ZNF277: variants seen among roughly 807,000 people sequenced by gnomAD.
The protein encoded by ZNF277 is zinc finger protein 277.
ZNF277 carries 55 observed loss-of-function variants against 60.7 expected under a neutral mutation model. That is an observed-to-expected ratio of 0.91 (90% CI 0.73 to 1.13). The LOEUF is 1.13. ZNF277 is among the 50% of genes most tolerant of loss of function. The probability of loss-of-function intolerance (pLI) is 0.00; values close to 1 mark genes in which losing one functional copy is unlikely to be tolerated. For synonymous variants in ZNF277, 178 were observed against 179.3 expected, an observed-to-expected ratio of 0.99 and a Z score of 0.06; for missense variants, 510 against 523.0, an observed-to-expected ratio of 0.98 and a Z score of 0.24.
Position 112,341,063 on chromosome 7 carries a change from C to A in ZNF277, c.1184+17C>A. The A allele has an allele frequency of 6.4e-7, 1 of 1,556,528 alleles. No homozygotes were observed. Among genetic ancestry groups the A allele is most frequent in the Non-Finnish European group, 8.7e-7 (1 of 1,153,200 alleles). ...TCAACTGGAGTACGTACTGCAAAACCAAATGTGCACTTCTTACTCCAACTC... is the reference window on the plus strand; with the variant it reads ...TCAACTGGAGTACGTACTGCAAAACAAAATGTGCACTTCTTACTCCAACTC... On this transcript the variant is annotated intron_variant, in intron 11 of 11. Coordinates refer to ENST00000361822, the MANE Select transcript of ZNF277 (RefSeq NM_021994.3).
intron 1 of ZNF277, among the ~76,000 whole-genome samples, chr7:112,244,178 G>A (rs1258395617): frequency 1.3e-5 from 2 of 151,946 alleles, no homozygotes; most frequent in African/African-American, 4.8e-5. Flanking sequence ...CTACCTAATG[G>A]GTACAATGTA....
At chr7:112,208,674 A>ATTTTTTTTTTTTTTTTTTTTTTT (rs869082099) in intron 1 of ZNF277, among the ~76,000 whole-genome samples, 7 of 72,808 alleles carry the variant, frequency 9.6e-5, no homozygotes, top group African/African-American at 2.4e-4. Context: ...GTATGATTTG[A>ATTTTTTTTTTTTTTTTTTTTTTT]TTTTTTTTTT....
chr7:112,241,580 C>T (rs1165918407), intron 1 of ZNF277, among the ~76,000 whole-genome samples: 1 of 152,080 alleles, frequency 6.6e-6, no homozygotes. Context: ...TGACAATAGC[C>T]AAGATTTGGA....
intron 1 of ZNF277, among the ~76,000 whole-genome samples, chr7:112,284,931 T>G (rs555170594): frequency 1.4e-4 from 22 of 152,214 alleles, no homozygotes; most frequent in Non-Finnish European, 2.4e-4. Flanking sequence ...TTAACCTTGG[T>G]AGCACTGAAC....
intron 1 of ZNF277, among the ~76,000 whole-genome samples, chr7:112,220,415 C>A (rs1821995371): frequency 6.6e-6 from 1 of 151,442 alleles, no homozygotes; most frequent in African/African-American, 2.4e-5. Flanking sequence ...TTTATCAGTT[C>A]TAACAGTTTT....
intron 6 of ZNF277, 135 bp downstream of exon 6, chr7:112,327,962 G>C: frequency 1.6e-6 from 1 of 634,180 alleles, no homozygotes; most frequent in Non-Finnish European, 2.6e-6. Context: ...CATTTTGTAC[G>C]ACAGTCCTTA....
intron 1 of ZNF277, among the ~76,000 whole-genome samples, chr7:112,209,952 A>G (rs1168669153): frequency 6.6e-6 from 1 of 152,120 alleles, no homozygotes. Context: ...AACAATGAGA[A>G]CACTTGGACA....
rs55929668 is a variant in ZNF277 at position 112,271,190 on chromosome 7, A to G, written c.92-15683A>G. ...GCAACATGTACCATTTATGTAAACT[A>G]GACAACCTATTCTTTCAGAGATACG... On this transcript the variant is annotated intron_variant, in intron 1 of 11. Transcript: ENST00000361822. 8.1e-4 allele frequency among the ~76,000 whole-genome samples: 123 copies of G among 152,312 alleles called. 1 individual carries two copies. The highest frequency in any genetic ancestry group is 2.8e-3 in the African/African-American group (118 of 41,590).
intron 4 of ZNF277, among the ~76,000 whole-genome samples, chr7:112,302,621 G>A (rs1584393261): frequency 6.6e-6 from 1 of 151,996 alleles, no homozygotes; most frequent in South Asian, 2.1e-4. Context: ...CTTTCTTTGG[G>A]AAACAAATGG....
At chr7:112,218,387 C>T (rs1378958901) in intron 1 of ZNF277, among the ~76,000 whole-genome samples, 3 of 152,092 alleles carry the variant, frequency 2.0e-5, no homozygotes, top group Non-Finnish European at 4.4e-5. Flanking sequence ...GTATTATGTA[C>T]AGCATGATGT....
intron 1 of ZNF277, among the ~76,000 whole-genome samples, chr7:112,229,934 G>A (rs1405156795): frequency 6.6e-6 from 1 of 152,084 alleles, no homozygotes; most frequent in Non-Finnish European, 1.5e-5. Flanking sequence ...CTTGAGGAAG[G>A]GCTTGGGATG....
At chr7:112,239,398 C>G (rs1450333305) in intron 1 of ZNF277, among the ~76,000 whole-genome samples, 1 of 152,108 alleles carries the variant, frequency 6.6e-6, no homozygotes, top group Non-Finnish European at 1.5e-5. Flanking sequence ...GGTAGCCAGG[C>G]AATAGTTGCC....
Position 112,206,712 on chromosome 7 carries a change from G to A in ZNF277, c.-5G>A, listed in dbSNP as rs748444592. 14 of 1,613,042 alleles carry A rather than the reference G, an allele frequency of 8.7e-6. No homozygotes were observed. Among genetic ancestry groups the A allele is most frequent in the Admixed American group, 1.7e-5 (1 of 59,952 alleles). ...GCGGCCCTCCCTTTTCTTTTCTGCC[G>A]GGTAATGGCTGCTTCCAAGACCCAG... On this transcript the variant is annotated 5_prime_UTR_variant, in exon 1 of 12. Transcript: ENST00000361822.
chr7:112,258,767 A>G (rs1419723697), intron 1 of ZNF277, among the ~76,000 whole-genome samples: 2 of 152,112 alleles, frequency 1.3e-5, no homozygotes, highest in Non-Finnish European at 1.5e-5. Context: ...TTATATATAA[A>G]CTTCTAAATT....
At chr7:112,242,469 AC>A (rs1331254953) in intron 1 of ZNF277, among the ~76,000 whole-genome samples, 1 of 151,822 alleles carries the variant, frequency 6.6e-6, no homozygotes, top group Non-Finnish European at 1.5e-5. Flanking sequence ...ATGTTAAGTA[AC>A]GTACAAAAAT....
chr7:112,341,847 G>C (rs1793451633), intron 11 of ZNF277, among the ~76,000 whole-genome samples: 1 of 152,150 alleles, frequency 6.6e-6, no homozygotes, highest in Non-Finnish European at 1.5e-5. Context: ...GAAAGTTCTA[G>C]TTTTTCTCCT....
Position 112,343,436 on chromosome 7 carries a change from A to C in ZNF277, c.*707A>C, listed in dbSNP as rs1376031458. ...CCACAATACCATTATGACACCTAAA[A>C]AACATTAACATTAACTTAATATCAT... On this transcript the variant is annotated 3_prime_UTR_variant, in exon 12 of 12. Coordinates refer to ENST00000361822, the MANE Select transcript of ZNF277 (RefSeq NM_021994.3). 1.3e-5 allele frequency among the ~76,000 whole-genome samples: 2 copies of C among 152,170 alleles called. No individual in the cohort carries two copies. Among genetic ancestry groups the C allele is most frequent in the Non-Finnish European group, 2.9e-5 (2 of 68,040 alleles).
intron 1 of ZNF277, among the ~76,000 whole-genome samples, chr7:112,273,171 A>T (rs1352103732): frequency 6.6e-6 from 1 of 152,108 alleles, no homozygotes; most frequent in African/African-American, 2.4e-5. Context: ...AGTGCCTTTC[A>T]AATTTATTTG....
intron 5 of ZNF277, among the ~76,000 whole-genome samples, chr7:112,324,866 G>A (rs1344150400): frequency 1.3e-5 from 2 of 152,128 alleles, no homozygotes; most frequent in African/African-American, 2.4e-5. Context: ...GGTAAATTCA[G>A]TCTGAGTCTA....
Sources: gnomAD v4.1 joint callset for allele counts (sites outside exome capture counted in the v4.1 genomes callset) on GRCh38, gnomAD v4.1.1 for gene constraint, MANE v1.5 for transcripts, NCBI Gene and HGNC (gene_info 2026-07-23, HGNC 2026-07-21) for gene names.